Variants in TMEM108 observed in about 807,000 individuals in gnomAD.
The protein encoded by TMEM108 is cancer/testis antigen 124.
A neutral mutation model predicts 35.1 loss-of-function variants in TMEM108; 12 were observed. That is an observed-to-expected ratio of 0.34 (90% CI 0.22 to 0.55). TMEM108 has a LOEUF of 0.55. TMEM108 is among the 20% of genes least tolerant of loss of function. TMEM108 has a pLI of 0.89. For missense variants in TMEM108, 680 were observed against 753.3 expected (o/e 0.90, Z 1.14); for synonymous variants, 287 against 308.6 (o/e 0.93, Z 0.73).
intron 3 of TMEM108, among the ~76,000 whole-genome samples, chr3:133,326,906 G>C (rs2071340033): frequency 6.6e-6 from 1 of 152,198 alleles, no homozygotes; most frequent in South Asian, 2.1e-4. Context: ...TATAGTTGGG[G>C]CATGAGAAGT....
At chr3:133,238,794 G>A (rs1946274176) in intron 3 of TMEM108, among the ~76,000 whole-genome samples, 1 of 152,178 alleles carries the variant, frequency 6.6e-6, no homozygotes, top group Non-Finnish European at 1.5e-5. Context: ...AAATGACATA[G>A]TATTTAGGTC....
chr3:133,274,716 TAAC>T (rs1946816134), intron 3 of TMEM108, among the ~76,000 whole-genome samples: 1 of 152,208 alleles, frequency 6.6e-6, no homozygotes, highest in African/African-American at 2.4e-5. Flanking sequence ...ACTGCAATAA[TAAC>T]AACCATTTCC....
intron 3 of TMEM108, among the ~76,000 whole-genome samples, chr3:133,349,298 A>T (rs2071918713): frequency 1.3e-5 from 2 of 152,204 alleles, no homozygotes; most frequent in African/African-American, 4.8e-5. Context: ...TTAATGTGGC[A>T]CAATATAAAC....
intron 2 of TMEM108, among the ~76,000 whole-genome samples, chr3:133,060,809 A>C (rs1245780399): frequency 6.6e-6 from 1 of 152,232 alleles, no homozygotes; most frequent in Non-Finnish European, 1.5e-5. Flanking sequence ...GAAACGATAC[A>C]TGCACAGAGA....
chr3:133,283,763 T>C (rs78989853), intron 3 of TMEM108, among the ~76,000 whole-genome samples: 1 of 152,226 alleles, frequency 6.6e-6, no homozygotes, highest in Admixed American at 6.5e-5. Flanking sequence ...ATGCGAACTT[T>C]GAAATTTCAA....
In TMEM108 at chr3:133,354,238, C is replaced by T. The variant is rs571574485; in HGVS notation, c.41-25514C>T. 4.1e-4 allele frequency among the ~76,000 whole-genome samples: 63 copies of T among 152,306 alleles called. 1 individual carries two copies. The South Asian group carries it at 4.8e-3, about 12-fold the overall frequency. ...AGACCAACATTGTCATCTCAGACCTCCATGTCTGTGGTGAGAGCACGATAT... is the reference window on the plus strand; with the variant it reads ...AGACCAACATTGTCATCTCAGACCTTCATGTCTGTGGTGAGAGCACGATAT... On this transcript the variant is annotated intron_variant, in intron 3 of 5. Transcript: ENST00000321871.
chr3:133,062,841 C>A (rs1279924351), intron 2 of TMEM108, among the ~76,000 whole-genome samples: 1 of 152,180 alleles, frequency 6.6e-6, no homozygotes, highest in Non-Finnish European at 1.5e-5. Flanking sequence ...TCCCTCTGGG[C>A]CTTCATGTGT....
chr3:133,124,957 G>C (rs1352450045), intron 2 of TMEM108: 1 of 152,140 alleles, frequency 6.6e-6, no homozygotes, highest in Non-Finnish European at 1.5e-5. Flanking sequence ...AGCTAAACAT[G>C]TGGGGAAAAT....
intron 4 of TMEM108, chr3:133,388,251 G>A (rs1296613852): frequency 2.0e-6 from 2 of 985,388 alleles, no homozygotes; most frequent in African/African-American, 3.5e-5. Context: ...CAGAGTGAAA[G>A]GTAGTGACAA....
At chr3:133,308,594 C>T (rs1261436792) in intron 3 of TMEM108, among the ~76,000 whole-genome samples, 1 of 152,114 alleles carries the variant, frequency 6.6e-6, no homozygotes, top group African/African-American at 2.4e-5. Flanking sequence ...TTGTCGAAGG[C>T]CTTTTCTGCA....
chr3:133,233,205 A>G (rs939601208), intron 3 of TMEM108, among the ~76,000 whole-genome samples: 5 of 151,934 alleles, frequency 3.3e-5, no homozygotes, highest in African/African-American at 1.2e-4. Context: ...CCACCCCACA[A>G]CAGTCCCCAG....
At chr3:133,293,775 T>C (rs1559894907) in intron 3 of TMEM108, among the ~76,000 whole-genome samples, 1 of 152,136 alleles carries the variant, frequency 6.6e-6, no homozygotes, top group East Asian at 1.9e-4. Context: ...GGTTTTTTTT[T>C]AACATATTGA....
intron 3 of TMEM108, among the ~76,000 whole-genome samples, chr3:133,311,559 C>T (rs61357358): frequency 0.018 from 2,777 of 152,276 alleles, 96 homozygotes; most frequent in African/African-American, 0.063. Flanking sequence ...TTTTCAGCTC[C>T]ATCAGGTCAT....
At chr3:133,159,351 T>A (rs183631243) in intron 2 of TMEM108, among the ~76,000 whole-genome samples, 36 of 152,362 alleles carry the variant, frequency 2.4e-4, no homozygotes, top group African/African-American at 8.7e-4. Flanking sequence ...TTTAAAACAT[T>A]AATACATCTG....
chr3:133,200,970 G>A (rs528479280), intron 2 of TMEM108, among the ~76,000 whole-genome samples: 6 of 152,204 alleles, frequency 3.9e-5, no homozygotes, highest in African/African-American at 1.2e-4. Context: ...CAGAAAATTC[G>A]CTTGGACAGC....
At chr3:133,138,421 C>T (rs1274456331) in intron 2 of TMEM108, among the ~76,000 whole-genome samples, 1 of 152,198 alleles carries the variant, frequency 6.6e-6, no homozygotes, top group East Asian at 1.9e-4. Flanking sequence ...CTGTGGGCTG[C>T]ATGCGGCGGC....
chr3:133,225,427 A>T (rs62280351), intron 2 of TMEM108, among the ~76,000 whole-genome samples: 48,210 of 151,868 alleles, frequency 0.32, 8,506 homozygotes, highest in East Asian at 0.47. Context: ...TGGGGGACGA[A>T]TTTGCCTAGC....
intron 2 of TMEM108, among the ~76,000 whole-genome samples, chr3:133,082,085 C>G (rs942288289): frequency 2.6e-5 from 4 of 152,180 alleles, no homozygotes; most frequent in Non-Finnish European, 5.9e-5. Context: ...TAAATCTGAG[C>G]AGCATACTTT....
At chr3:133,308,364 C>T (rs755745004) in intron 3 of TMEM108, among the ~76,000 whole-genome samples, 1 of 152,062 alleles carries the variant, frequency 6.6e-6, no homozygotes, top group Non-Finnish European at 1.5e-5. Context: ...CTTTCTCTTG[C>T]GTGATTACCC....
Sources: allele counts gnomAD v4.1 joint callset (sites outside exome capture counted in the v4.1 genomes callset), GRCh38; gene constraint gnomAD v4.1.1; transcripts MANE v1.5; gene names NCBI Gene and HGNC (gene_info 2026-07-23, HGNC 2026-07-21).